HOMER1: variants seen among roughly 807,000 people sequenced by gnomAD.
HOMER1 encodes homer scaffold protein 1, also known as homer protein homolog 1.
In HOMER1, 3 loss-of-function variants were observed where a neutral mutation model predicts 48.9. That is an observed-to-expected ratio of 0.06 (90% confidence interval 0.03 to 0.16). HOMER1 has a LOEUF of 0.16. Among genes scored for constraint, HOMER1 ranks in the 10% least tolerant of loss-of-function variants. The probability of loss-of-function intolerance (pLI) is 1.00; values close to 1 mark genes in which losing one functional copy is unlikely to be tolerated. For missense variants in HOMER1, 247 were observed against 411.4 expected, an observed-to-expected ratio of 0.60 and a Z score of 3.46; for synonymous variants, 134 against 146.4, an observed-to-expected ratio of 0.92 and a Z score of 0.61.
intron 4 of HOMER1, among the ~76,000 whole-genome samples, chr5:79,444,864 C>T (rs1425080938): frequency 1.3e-5 from 2 of 152,132 alleles, no homozygotes; most frequent in Admixed American, 6.5e-5. Context: ...ACTACACCTT[C>T]GCAGCACTTA....
rs1468315872 is a variant in HOMER1, at chr5:79,376,171, C to T, written c.903G>A (p.Leu301=). The part of the protein sequence containing the change: ...LQEVEIRNKD[L]EGQLSDLEQR... ...GCTCTAAGTCAGACAGTTGTCCCTC[C>T]AGGTCTTTGTTCCGAATTTCTACTT... Residue 301 remains leucine (L), a synonymous_variant, in exon 9 of 9, where the codon CTG becomes CTA. Transcript: ENST00000334082. 6.2e-7 allele frequency: 1 copy of T among 1,612,224 alleles called. No homozygotes were observed. Among genetic ancestry groups the T allele is most frequent in the South Asian group, 1.1e-5 (1 of 90,622 alleles).
chr5:79,373,789 ACACT>A lies in HOMER1; in HGVS notation c.*2216_*2219del, dbSNP rs1165814307. ...AATTAGGCTCTATTGGACAAGAAAA[ACACT>A]CACAAAATTTCCAATTTTAAATTTC... On this transcript the variant is annotated 3_prime_UTR_variant, in exon 9 of 9. Transcript: ENST00000334082. The A allele has an allele frequency of 6.6e-6, 1 of 151,964 alleles. No homozygotes were observed. The highest frequency in any genetic ancestry group is 1.9e-4 in the East Asian group (1 of 5,200). 9.4% of individuals were successfully genotyped at this position (151,964 alleles called of 1,614,324 possible).
At chr5:79,382,890 T>C in intron 8 of HOMER1, among the ~76,000 whole-genome samples, 1 of 152,138 alleles carries the variant, frequency 6.6e-6, no homozygotes, top group East Asian at 1.9e-4. Context: ...ATATCAATAG[T>C]AACCTAGAAT....
chr5:79,389,954 G>A (rs537535063), intron 8 of HOMER1, among the ~76,000 whole-genome samples: 3 of 152,164 alleles, frequency 2.0e-5, no homozygotes, highest in Non-Finnish European at 4.4e-5. Flanking sequence ...TTATTATTAA[G>A]TGTGTTAATA....
Position 79,375,762 on chromosome 5 carries a change from G to T in HOMER1, c.*247C>A. On this transcript the variant is annotated 3_prime_UTR_variant, in exon 9 of 9. Transcript: ENST00000334082. ...ATTTATAACTTTCTAGTTAACTATG[G>T]CCAATAATATACATGGAGGTAATTT... 3.0e-6 allele frequency: 1 copy of T among 332,636 alleles called. No homozygotes were observed. The highest frequency in any genetic ancestry group is 5.4e-6 in the Non-Finnish European group (1 of 184,800). The allele number at this position is 332,636 out of a possible 1,614,324, so 20.6% of individuals were successfully genotyped here.
intron 1 of HOMER1, among the ~76,000 whole-genome samples, chr5:79,484,955 C>CA (rs113068776): frequency 0.049 from 7,531 of 152,266 alleles, 221 homozygotes; most frequent in African/African-American, 0.08. Flanking sequence ...CTGAGGCCAA[C>CA]AACAGCTGTT....
At chr5:79,426,827 A>C (rs1002905109) in intron 5 of HOMER1, among the ~76,000 whole-genome samples, 2 of 152,204 alleles carry the variant, frequency 1.3e-5, no homozygotes, top group African/African-American at 4.8e-5. Flanking sequence ...AAGAAATGAT[A>C]AATGTTTGAG....
chr5:79,404,571 T>C (rs1749615000), intron 5 of HOMER1, among the ~76,000 whole-genome samples: 1 of 152,206 alleles, frequency 6.6e-6, no homozygotes, highest in East Asian at 1.9e-4. Context: ...TTGAGACACA[T>C]TTCATGCACT....
intron 5 of HOMER1, among the ~76,000 whole-genome samples, chr5:79,409,653 T>A (rs771806183): frequency 6.6e-6 from 1 of 152,146 alleles, no homozygotes; most frequent in Non-Finnish European, 1.5e-5. Context: ...GGGATTAATA[T>A]CTAGAATATA....
intron 5 of HOMER1, among the ~76,000 whole-genome samples, chr5:79,415,768 C>G (rs191080324): frequency 6.6e-6 from 1 of 152,074 alleles, no homozygotes; most frequent in Admixed American, 6.6e-5. Flanking sequence ...TTCTGAGTTT[C>G]GAAGAATTTT....
At chr5:79,460,665 C>T (rs991931827) in intron 1 of HOMER1, among the ~76,000 whole-genome samples, 1 of 152,016 alleles carries the variant, frequency 6.6e-6, no homozygotes, top group African/African-American at 2.4e-5. Context: ...TGGGTTTGTT[C>T]CTCGGGACAT....
At chr5:79,430,052 T>A (rs1750377830) in intron 5 of HOMER1, among the ~76,000 whole-genome samples, 1 of 150,050 alleles carries the variant, frequency 6.7e-6, no homozygotes. Flanking sequence ...ACATTTGTGC[T>A]GCAAAGCACC....
chr5:79,408,544 C>T (rs1749729183), intron 5 of HOMER1, among the ~76,000 whole-genome samples: 1 of 152,050 alleles, frequency 6.6e-6, no homozygotes, highest in Admixed American at 6.5e-5. Context: ...ACAAATGGTG[C>T]TAAAACAATT....
intron 8 of HOMER1, among the ~76,000 whole-genome samples, chr5:79,379,223 CT>C (rs1748881031): frequency 1.1e-5 from 1 of 88,046 alleles, no homozygotes; most frequent in African/African-American, 4.6e-5. Flanking sequence ...TTTTATATAT[CT>C]ATAATATATA....
intron 1 of HOMER1, among the ~76,000 whole-genome samples, chr5:79,500,514 T>C (rs10057812): frequency 0.37 from 56,890 of 152,054 alleles, 14,834 homozygotes; most frequent in African/African-American, 0.71. Flanking sequence ...GATGCTTCTG[T>C]CACCACAGAC....
At chr5:79,438,137 A>G (rs1408106439) in intron 5 of HOMER1, among the ~76,000 whole-genome samples, 1 of 152,200 alleles carries the variant, frequency 6.6e-6, no homozygotes, top group African/African-American at 2.4e-5. Flanking sequence ...TCTCACTTCA[A>G]TTTTGCTTAA....
rs571089400 is a variant in HOMER1, at chr5:79,468,606, A to G, written c.6-11588T>C. 3.3e-5 allele frequency among the ~76,000 whole-genome samples: 5 copies of G among 152,336 alleles called. No individual in the cohort carries two copies. The East Asian group carries it at 9.6e-4, about 29-fold the overall frequency. On this transcript the variant is annotated intron_variant, in intron 1 of 8. Coordinates refer to ENST00000334082, the MANE Select transcript of HOMER1 (RefSeq NM_004272.5). ...CGTTGGACTAGACAATATTTTCTGT[A>G]GCTATTTCCTTATCGACAGACATAT...
intron 5 of HOMER1, among the ~76,000 whole-genome samples, chr5:79,432,386 T>C (rs1307177063): frequency 1.3e-5 from 2 of 152,200 alleles, no homozygotes; most frequent in African/African-American, 4.8e-5. Flanking sequence ...TAATTCCAGC[T>C]AGTCTTCTTG....
chr5:79,503,738 AAAG>A (rs1460488598), intron 1 of HOMER1, among the ~76,000 whole-genome samples: 1 of 150,922 alleles, frequency 6.6e-6, no homozygotes, highest in Admixed American at 6.6e-5. Flanking sequence ...AAAAAAAAAA[AAAG>A]AAAGAAGAAA....
Sources: gnomAD v4.1 joint callset for allele counts (sites outside exome capture counted in the v4.1 genomes callset) on GRCh38, gnomAD v4.1.1 for gene constraint, MANE v1.5 for transcripts, NCBI Gene and HGNC (gene_info 2026-07-23, HGNC 2026-07-21) for gene names.